Variants in PICK1 observed in about 807,000 individuals in gnomAD.
PICK1 encodes the protein PRKCA-binding protein.
PICK1 carries 23 observed loss-of-function variants against 48.9 expected under a neutral mutation model. The ratio of observed to expected loss-of-function variants is 0.47; its 90% CI spans 0.34 to 0.67. PICK1 has a LOEUF of 0.67. Ranked by LOEUF, PICK1 falls within the 30% of genes least tolerant of loss-of-function variation. The probability of loss-of-function intolerance (pLI) is 0.01; values close to 1 mark genes in which losing one functional copy is unlikely to be tolerated. For missense variants in PICK1, 423 were observed against 557.1 expected (o/e 0.76, Z 2.42); for synonymous variants, 217 against 228.2 (o/e 0.95, Z 0.44).
rs2085793779 is a variant in PICK1 at position 38,074,737 on chromosome 22, G to C, written c.980-127G>C. Reference sequence around the variant, plus strand: ...TCCGCCCCTTGCCAGGTCATGAGGGGTCAGGGAAGTGCCCGAGTGGGAAGC... The same window carrying C: ...TCCGCCCCTTGCCAGGTCATGAGGGCTCAGGGAAGTGCCCGAGTGGGAAGC... On this transcript the variant is annotated intron_variant, in intron 12 of 12. Coordinates refer to ENST00000356976, the MANE Select transcript of PICK1 (RefSeq NM_012407.4). This position sits in a 1 kb window ranked among gnomAD's most constrained non-coding sequence, Gnocchi z 4.5. 2.3e-6 allele frequency: 3 copies of C among 1,279,252 alleles called. No homozygotes were observed. The highest frequency in any genetic ancestry group is 3.3e-6 in the Non-Finnish European group (3 of 917,210). 79.2% of individuals were successfully genotyped at this position (1,279,252 alleles called of 1,614,324 possible).
intron 6 of PICK1, among the ~76,000 whole-genome samples, chr22:38,069,998 G>T (rs535674273): frequency 2.0e-5 from 3 of 151,662 alleles, no homozygotes; most frequent in Admixed American, 6.6e-5. Flanking sequence ...CTTTCCTGCC[G>T]CTGGCCAGGT....
In PICK1 at chr22:38,075,209, AG is replaced by A; in HGVS notation, c.*82del. ...GGGAGCGGGGCGGGGCCGCCGCGCA[AG>A]GGGGCGACGCATAAAGGCCTGCTGG... On this transcript the variant is annotated 3_prime_UTR_variant, in exon 13 of 13. Transcript: ENST00000356976. The A allele has an allele frequency of 7.0e-7, 1 of 1,420,124 alleles. No individual in the cohort carries two copies. The highest frequency in any genetic ancestry group is 1.3e-5 in the South Asian group (1 of 75,696). 88.0% of individuals were successfully genotyped at this position (1,420,124 alleles called of 1,614,324 possible). A position where few individuals can be genotyped will look rare whatever the true frequency, so the allele number is the denominator to read the frequency against.
At position 38,071,791 on chromosome 22, in the gene PICK1, G is replaced by A. The variant is rs759621305; in HGVS notation, c.556+47G>A. 3.9e-6 allele frequency: 6 copies of A among 1,525,674 alleles called. 1 individual carries two copies. The South Asian group carries it at 4.5e-5, about 11-fold the overall frequency. The allele number at this position is 1,525,674 out of a possible 1,614,324, so 94.5% of individuals were successfully genotyped here. On this transcript the variant is annotated intron_variant, in intron 8 of 12. Transcript: ENST00000356976. ...GTGGTGTGACCGTGGGCAATCCCTG[G>A]GGCCTCTCACTCCCATGCTGAGGTG... is the stretch of plus-strand genomic sequence containing the variant.
rs1457790051 is a variant in PICK1, at chr22:38,073,245, A to C, written c.783+153A>C. ...CCCAGAGGCCCAGGGAGGTGCAGCC[A>C]AAGCCCTGCTGCGCCTGCACAAAGA... On this transcript the variant is annotated intron_variant, in intron 10 of 12. Transcript: ENST00000356976. This position sits in a 1 kb window ranked among gnomAD's most constrained non-coding sequence, Gnocchi z 5.7. Among the ~76,000 whole-genome samples, 1 of 152,202 alleles carries C rather than the reference A, an allele frequency of 6.6e-6. No individual in the cohort carries two copies. Among genetic ancestry groups the C allele is most frequent in the Non-Finnish European group, 1.5e-5 (1 of 68,034 alleles).
At chr22:38,067,626 A>T in intron 4 of PICK1, 78 bp from the exon 5 acceptor site, 1 of 1,302,828 alleles carries the variant, frequency 7.7e-7, no homozygotes, top group Non-Finnish European at 1.1e-6. Flanking sequence ...CAGGAGTCTC[A>T]GTCCAGAACA....
Position 38,070,857 on chromosome 22 carries a change from A to G in PICK1, c.459A>G (p.Leu153=). The G allele has an allele frequency of 6.2e-7, 1 of 1,613,944 alleles. No individual in the cohort carries two copies. The highest frequency in any genetic ancestry group is 1.1e-5 in the South Asian group (1 of 91,080). The change falls in exon 7 of 13, where the codon CTA becomes CTG. Residue 153 remains leucine (L), a synonymous_variant. Transcript: ENST00000356976. ...CGACAGATGGGCTTGTCAAGAGGCT[A>G]GAGGAGCTGGAGCGGACCGCTGAGC... ...ILCNDGLVKR[L]EELERTAELY...
chr22:38,058,955 C>T (rs546889417), intron 2 of PICK1, among the ~76,000 whole-genome samples: 7 of 152,188 alleles, frequency 4.6e-5, no homozygotes, highest in South Asian at 2.1e-4. Context: ...TGCAGTGAGC[C>T]GAGATTGCGC....
intron 3 of PICK1, among the ~76,000 whole-genome samples, chr22:38,060,333 G>A (rs114167762): frequency 6.6e-6 from 1 of 152,358 alleles, no homozygotes; most frequent in African/African-American, 2.4e-5. Flanking sequence ...CTCTTGCAGA[G>A]GAAGCTGCAC....
intron 4 of PICK1, among the ~76,000 whole-genome samples, chr22:38,067,110 G>A (rs1569199534): frequency 6.6e-6 from 1 of 151,930 alleles, no homozygotes; most frequent in Non-Finnish European, 1.5e-5. Flanking sequence ...GCGTGGGGAG[G>A]GAAGAAGGAG....
At position 38,074,244 on chromosome 22, in the gene PICK1, T is replaced by C; in HGVS notation, c.835-63T>C. 2 of 1,587,800 alleles carry C rather than the reference T, an allele frequency of 1.3e-6. No homozygotes were observed. The highest frequency in any genetic ancestry group is 2.2e-5 in the South Asian group (2 of 90,526). On this transcript the variant is annotated intron_variant, in intron 11 of 12. Coordinates refer to ENST00000356976, the MANE Select transcript of PICK1 (RefSeq NM_012407.4). This position sits in a 1 kb window ranked among gnomAD's most constrained non-coding sequence, Gnocchi z 4.5. Reference sequence around the variant, plus strand: ...CAGGAATGAAGAACAGCCGTGGCTTTGAAAGCACAGTGCGGTGCGAGGCCG... The same window carrying C: ...CAGGAATGAAGAACAGCCGTGGCTTCGAAAGCACAGTGCGGTGCGAGGCCG...
rs1294444358 is a variant in PICK1, at chr22:38,074,982, C to T, written c.1098C>T (p.His366=). ...DVFPIEVDLA[H]TTLAYGLNQE... ...TCCCCATCGAGGTAGACCTGGCGCACACCACATTGGCCTATGGCCTCAACC... is the reference window on the plus strand; with the variant it reads ...TCCCCATCGAGGTAGACCTGGCGCATACCACATTGGCCTATGGCCTCAACC... Residue 366 remains histidine (H), a synonymous_variant, in exon 13 of 13, where the codon CAC becomes CAT. Transcript: ENST00000356976. The surrounding 1 kb of genome is among the most constrained non-coding windows in gnomAD (Gnocchi z 4.5). 1.9e-6 allele frequency: 3 copies of T among 1,613,590 alleles called. No individual in the cohort carries two copies. The highest frequency in any genetic ancestry group is 1.7e-5 in the Admixed American group (1 of 60,010).
chr22:38,061,546 T>G (rs1465287588), intron 3 of PICK1, among the ~76,000 whole-genome samples: 1 of 152,116 alleles, frequency 6.6e-6, no homozygotes, highest in Non-Finnish European at 1.5e-5. Flanking sequence ...TTCTCAATAG[T>G]CTCACTCTGT....
rs188975762 is a variant in PICK1, at chr22:38,070,647, G to C, written c.440-191G>C. Among the ~76,000 whole-genome samples the C allele has an allele frequency of 2.4e-3, 364 of 151,984 alleles. 1 individual carries two copies. Among genetic ancestry groups the C allele is most frequent in the Non-Finnish European group, 3.7e-3 (253 of 68,036 alleles). On this transcript the variant is annotated intron_variant, in intron 6 of 12. Transcript: ENST00000356976. ...GGCACGGACCCTCCGCTGGCCATGA[G>C]GAGGGCCTAGTCATTTACAAAACAC... is the stretch of plus-strand genomic sequence containing the variant.
intron 3 of PICK1, among the ~76,000 whole-genome samples, chr22:38,064,780 A>T (rs1486912937): frequency 6.6e-6 from 1 of 152,082 alleles, no homozygotes; most frequent in East Asian, 1.9e-4. Flanking sequence ...AAATCATTTG[A>T]CTATGTATTT....
rs202090294 is a variant in PICK1 at position 38,069,026 on chromosome 22, C to G, written c.350-7C>G. The G allele has an allele frequency of 2.2e-4, 347 of 1,610,430 alleles. 3 individuals carry two copies. In the African/African-American group the frequency reaches 4.1e-3, roughly 19 times the overall value. Reference sequence around the variant, plus strand: ...CAGACTCACCAGGTCCTTTGTCCCCCGCTCAGTGTTGAAGAAAGTCAAGCA... The same window carrying G: ...CAGACTCACCAGGTCCTTTGTCCCCGGCTCAGTGTTGAAGAAAGTCAAGCA... On this transcript the variant is annotated splice_polypyrimidine_tract_variant and splice_region_variant and intron_variant, in intron 5 of 12. Transcript: ENST00000356976.
chr22:38,065,833 G>A lies in PICK1; in HGVS notation c.282+703G>A, dbSNP rs1017763154. ...ACCAATACTGTGAAAGAACTGATGTGCAGGCAGTGCACAGCCATGGGGTGA... is the reference window on the plus strand; with the variant it reads ...ACCAATACTGTGAAAGAACTGATGTACAGGCAGTGCACAGCCATGGGGTGA... On this transcript the variant is annotated intron_variant, in intron 4 of 12. Transcript: ENST00000356976. 3.9e-5 allele frequency among the ~76,000 whole-genome samples: 6 copies of A among 152,148 alleles called. No individual in the cohort carries two copies. The South Asian group carries it at 8.3e-4, about 21-fold the overall frequency.
At chr22:38,067,648 G>A in intron 4 of PICK1, 56 bp from the exon 5 acceptor site, 1 of 1,505,288 alleles carries the variant, frequency 6.6e-7, no homozygotes. Context: ...TCTTGGCTGG[G>A]AAGGGGCTCA....
chr22:38,071,801 C>A, intron 8 of PICK1, 57 bp downstream of exon 8: 1 of 1,464,446 alleles, frequency 6.8e-7, no homozygotes, highest in Non-Finnish European at 9.6e-7. Context: ...GGGCCTCTCA[C>A]TCCCATGCTG....
chr22:38,067,411 G>T (rs1034027489), intron 4 of PICK1: 1 of 373,670 alleles, frequency 2.7e-6, no homozygotes, highest in African/African-American at 2.2e-5. Flanking sequence ...CCAGGTTCAA[G>T]TGATTCTTTG....
Sources: gnomAD v4.1 joint callset for allele counts (sites outside exome capture counted in the v4.1 genomes callset) on GRCh38, gnomAD v4.1.1 for gene constraint, Gnocchi (gnomAD v3.1) non-coding constraint, MANE v1.5 for transcripts, NCBI Gene and HGNC (gene_info 2026-07-23, HGNC 2026-07-21) for gene names.